The following DYNC1I2 variants were observed in gnomAD, a reference collection of about 807,000 sequenced individuals.
The protein encoded by DYNC1I2 is dynein cytoplasmic 1 intermediate chain 2.
A neutral mutation model predicts 88.6 loss-of-function variants in DYNC1I2; 53 were observed. The observed-to-expected ratio is 0.60, with a 90% confidence interval of 0.48 to 0.75. The LOEUF (loss-of-function observed/expected upper bound fraction) is 0.75. DYNC1I2 is among the 30% of genes least tolerant of loss of function. DYNC1I2 has a pLI of 0.00. For synonymous variants in DYNC1I2, 198 were observed against 254.6 expected (o/e 0.78, Z 2.12); for missense variants, 458 against 766.6 (o/e 0.60, Z 4.75).
chr2:171,711,146 G>T (rs1420785081), intron 5 of DYNC1I2, among the ~76,000 whole-genome samples: 2 of 151,372 alleles, frequency 1.3e-5, no homozygotes, highest in South Asian at 2.1e-4. Flanking sequence ...GTGATAGTTT[G>T]CTGAGAATGA....
chr2:171,725,002 A>ACCC (rs1688143024), intron 7 of DYNC1I2, among the ~76,000 whole-genome samples: 3 of 152,204 alleles, frequency 2.0e-5, no homozygotes, highest in African/African-American at 7.2e-5. Flanking sequence ...ACAATAGATA[A>ACCC]TGAGACTTGC....
rs767786145 is a variant in DYNC1I2, at chr2:171,726,955, G to A, written c.996+39G>A. On this transcript the variant is annotated intron_variant, in intron 11 of 17. Transcript: ENST00000397119. ...TTAACAGTCTTCGCCTCAAGTTTAA[G>A]AATTCATTGATGAATTAAGACAAGT... The A allele has an allele frequency of 1.9e-5, 29 of 1,518,954 alleles. 1 individual carries two copies. The highest frequency in any genetic ancestry group is 1.7e-4 in the South Asian group (13 of 76,084). 94.1% of individuals were successfully genotyped at this position (1,518,954 alleles called of 1,614,324 possible).
At chr2:171,690,542 A>G (rs1685320864) in intron 2 of DYNC1I2, among the ~76,000 whole-genome samples, 1 of 152,172 alleles carries the variant, frequency 6.6e-6, no homozygotes, top group Admixed American at 6.5e-5. Context: ...ACAATTTCGT[A>G]TAGATTGATG....
At chr2:171,724,597 A>G (rs1428167113) in intron 7 of DYNC1I2, among the ~76,000 whole-genome samples, 1 of 152,174 alleles carries the variant, frequency 6.6e-6, no homozygotes, top group Non-Finnish European at 1.5e-5. Context: ...TGTACGTCGT[A>G]TGTATGTGTG....
rs776758858 is a variant in DYNC1I2 at position 171,745,848 on chromosome 2, G to T, written c.1724G>T (p.Arg575Leu). ...ISVEGNPALN[R>L]VRWTHSGREI... ...GTGGAGGGTAATCCTGCTCTTAATC[G>T]TGTGAGATGGACCCATTCTGGCAGA... Residue 575 changes from arginine to leucine, a missense_variant, in exon 17 of 18, where the codon CGT becomes CTT. Around this residue, in one of 5 missense-constraint regions of DYNC1I2, gnomAD observed 188 missense variants for 300.4 expected, o/e 0.63. Coordinates refer to ENST00000397119, the MANE Select transcript of DYNC1I2 (RefSeq NM_001378.3). The T allele has an allele frequency of 6.2e-7, 1 of 1,613,530 alleles. No homozygotes were observed. The highest frequency in any genetic ancestry group is 1.1e-5 in the South Asian group (1 of 91,048).
At chr2:171,697,168 T>A (rs1685833408) in intron 3 of DYNC1I2, among the ~76,000 whole-genome samples, 1 of 151,840 alleles carries the variant, frequency 6.6e-6, no homozygotes, top group African/African-American at 2.4e-5. Flanking sequence ...GCCCAACTAA[T>A]TTTTTTGTTT....
intron 7 of DYNC1I2, among the ~76,000 whole-genome samples, chr2:171,720,373 A>G (rs1296136008): frequency 2.0e-5 from 3 of 152,156 alleles, no homozygotes; most frequent in Non-Finnish European, 4.4e-5. Context: ...TTATCTTGTA[A>G]TCACTTATTG....
At chr2:171,687,793 G>A (rs1387057491) in intron 1 of DYNC1I2, 166 bp downstream of exon 1, 1 of 152,954 alleles carries the variant, frequency 6.5e-6, no homozygotes, top group East Asian at 1.9e-4. Flanking sequence ...GGTGGCTACA[G>A]TTGGTGTTGG....
chr2:171,694,367 A>G (rs1440460617), intron 3 of DYNC1I2, among the ~76,000 whole-genome samples: 2 of 152,122 alleles, frequency 1.3e-5, no homozygotes, highest in East Asian at 1.9e-4. Context: ...GGGTAACTTG[A>G]AAAGAGGTGG....
intron 7 of DYNC1I2, among the ~76,000 whole-genome samples, chr2:171,718,239 T>C (rs1207288579): frequency 3.3e-5 from 5 of 152,218 alleles, no homozygotes; most frequent in Non-Finnish European, 1.5e-5. Context: ...ATTACAGGCA[T>C]GAGCCACCAC....
chr2:171,719,352 T>C (rs1687748935), intron 7 of DYNC1I2, among the ~76,000 whole-genome samples: 1 of 152,192 alleles, frequency 6.6e-6, no homozygotes, highest in Non-Finnish European at 1.5e-5. Flanking sequence ...CCAAAGTGTA[T>C]AAGTTTTAGA....
At chr2:171,690,328 T>C in intron 2 of DYNC1I2, 65 bp downstream of exon 2, 4 of 1,160,296 alleles carry the variant, frequency 3.4e-6, no homozygotes, top group Non-Finnish European at 4.9e-6. Context: ...CACATATTTA[T>C]ATATTTACAT....
chr2:171,691,360 T>C (rs1685392226), intron 2 of DYNC1I2, among the ~76,000 whole-genome samples: 1 of 152,250 alleles, frequency 6.6e-6, no homozygotes, highest in East Asian at 1.9e-4. Flanking sequence ...GTACTTTTAC[T>C]ACAGATATGT....
At chr2:171,698,729 T>C (rs6760099) in intron 3 of DYNC1I2, among the ~76,000 whole-genome samples, 148,575 of 152,048 alleles carry the variant, frequency 0.98, 72,694 homozygotes, top group Middle Eastern at 1. Context: ...ATTAGCCGAG[T>C]GTGGTGGTGG....
chr2:171,695,421 A>G (rs1685695375), intron 3 of DYNC1I2, among the ~76,000 whole-genome samples: 1 of 151,984 alleles, frequency 6.6e-6, no homozygotes, highest in African/African-American at 2.4e-5. Context: ...TTTAACATAC[A>G]TCCTTCAGAT....
chr2:171,698,726 G>A lies in DYNC1I2; in HGVS notation c.226+5832G>A, dbSNP rs556503135. ...CTACTAAAAATACAAAAAATTAGCC[G>A]AGTGTGGTGGTGGGCGCCTGTGGTC... On this transcript the variant is annotated intron_variant, in intron 3 of 17. Coordinates refer to ENST00000397119, the MANE Select transcript of DYNC1I2 (RefSeq NM_001378.3). 2.0e-4 allele frequency among the ~76,000 whole-genome samples: 31 copies of A among 152,022 alleles called. No homozygotes were observed. In the South Asian group the frequency reaches 3.3e-3, roughly 16 times the overall value.
chr2:171,695,225 A>G (rs1574505265), intron 3 of DYNC1I2, among the ~76,000 whole-genome samples: 1 of 151,542 alleles, frequency 6.6e-6, no homozygotes, highest in Non-Finnish European at 1.5e-5. Flanking sequence ...TCAGCCTCCC[A>G]AGTAGCTGGG....
At chr2:171,723,397 A>C (rs984280848) in intron 7 of DYNC1I2, among the ~76,000 whole-genome samples, 1 of 152,228 alleles carries the variant, frequency 6.6e-6, no homozygotes, top group Non-Finnish European at 1.5e-5. Flanking sequence ...AAAGTGGAAA[A>C]TATATGTATA....
chr2:171,728,461 T>C (rs1688389555), intron 13 of DYNC1I2, 43 bp downstream of exon 13: 10 of 1,223,926 alleles, frequency 8.2e-6, no homozygotes, highest in South Asian at 5.6e-5. Flanking sequence ...GCAAATGTTA[T>C]GTTTTAAGTG....
Sources: gnomAD v4.1 joint callset for allele counts (sites outside exome capture counted in the v4.1 genomes callset) on GRCh38, gnomAD v4.1.1 for gene constraint, gnomAD v4.1.1 regional missense constraint, MANE v1.5 for transcripts, NCBI Gene and HGNC (gene_info 2026-07-23, HGNC 2026-07-21) for gene names.